Variants in MUC4 observed in about 807,000 individuals in gnomAD.
MUC4 encodes the protein mucin 4, cell surface associated.
In MUC4, 202 loss-of-function variants were observed where a neutral mutation model predicts 257.9. That is an observed-to-expected ratio of 0.78 (90% CI 0.70 to 0.88). MUC4 has a LOEUF of 0.88. MUC4 is among the 40% of genes least tolerant of loss of function. The pLI, the probability that MUC4 is intolerant of heterozygous loss-of-function variation, is 0.00. For synonymous variants in MUC4, 2,351 were observed against 2,757.1 expected (o/e 0.85, Z 4.62); for missense variants, 5,976 against 6,513.7 (o/e 0.92, Z 2.84).
chr3:195,760,181 T>A (rs1225083758), intron 16 of MUC4, among the ~76,000 whole-genome samples: 1 of 152,082 alleles, frequency 6.6e-6, no homozygotes, highest in East Asian at 1.9e-4. Flanking sequence ...TTATAAAATA[T>A]GTTGAGTAAT....
rs1207760269 is a variant in MUC4 at position 195,788,823 on chromosome 3, A to T, written c.2757T>A (p.Ser919=). Residue 919 remains serine, a synonymous_variant, in exon 2 of 25, where the codon TCT becomes TCA. Transcript: ENST00000463781. ...QTQRTRTSRG[S]DTISLASQAT... is the part of the protein sequence containing the mutation. ...CCTGGGACGCCAGGCTGATAGTGTC[A>T]GACCCTCTGCTGGTTCTTGTCCTCT... 1 of 1,613,788 alleles carries T rather than the reference A, an allele frequency of 6.2e-7. No individual in the cohort carries two copies. Among genetic ancestry groups the T allele is most frequent in the Non-Finnish European group, 8.5e-7 (1 of 1,179,858 alleles).
chr3:195,808,675 G>A (rs1736304103), intron 1 of MUC4, among the ~76,000 whole-genome samples: 1 of 152,204 alleles, frequency 6.6e-6, no homozygotes, highest in South Asian at 2.1e-4. Flanking sequence ...GCTGATGCTG[G>A]ACCTCTGAGT....
At chr3:195,770,697 A>C (rs1028802503) in intron 5 of MUC4, 1 of 443,984 alleles carries the variant, frequency 2.3e-6, no homozygotes, top group Non-Finnish European at 4.2e-6. Context: ...CCTAATCTGC[A>C]GCTTCTTGAG....
chr3:195,775,619 GTCATACCTTCCACACCCATACCTTCCACA>G (rs1724361795), intron 3 of MUC4, among the ~76,000 whole-genome samples: 3 of 32,506 alleles, frequency 9.2e-5, no homozygotes, highest in African/African-American at 1.6e-4. Flanking sequence ...ACCTTCCACA[GTCATACCTTCCACACCCATACCTTCCACA>G]GTCATACCTT....
Position 195,765,360 on chromosome 3 carries a change from G to A in MUC4, c.13708C>T (p.Arg4570Trp), listed in dbSNP as rs752454108. 1.3e-5 allele frequency: 21 copies of A among 1,613,562 alleles called. No homozygotes were observed. Among genetic ancestry groups the A allele is most frequent in the East Asian group, 2.2e-5 (1 of 44,882 alleles). ...TGGTTCCAGCCCCAGCTGGGCCACC[G>A]AGGCTGGCTCTTCAGCCACTGCAGG... The part of the protein sequence containing the change: ...ECLQWLKSQP[R>W]WPSWGWNQVS... The change falls in exon 9 of 25, where the codon CGG becomes TGG. Residue 4570 changes from arginine (R) to tryptophan (W), a missense_variant. By Grantham distance (101) the Arg-to-Trp change is moderately radical. Coordinates refer to ENST00000463781, the MANE Select transcript of MUC4 (RefSeq NM_018406.7).
intron 9 of MUC4, 35 bp from the exon 10 acceptor site, chr3:195,765,157 G>C (rs540545680): frequency 1.3e-6 from 2 of 1,591,742 alleles, no homozygotes; most frequent in South Asian, 1.1e-5. Context: ...GGCCCAGGCT[G>C]GGGCTGCCAG....
Position 195,778,335 on chromosome 3 carries a change from G to A in MUC4, c.12911C>T (p.Thr4304Ile). 3 of 1,612,522 alleles carry A rather than the reference G, an allele frequency of 1.9e-6. No individual in the cohort carries two copies. Among genetic ancestry groups the A allele is most frequent in the Non-Finnish European group, 2.5e-6 (3 of 1,179,760 alleles). Residue 4304 changes from threonine to isoleucine, a missense_variant, in exon 3 of 25, where the codon ACA (threonine) becomes ATA (isoleucine). By Grantham distance (89) the Thr-to-Ile change is moderately conservative (BLOSUM62 -1). Transcript: ENST00000463781. ...AGGCAGGATGGGGATGGGGGCAGCTGTGGAGCGGGTGTGCATGGCAGTGCT... is the reference window on the plus strand; with the variant it reads ...AGGCAGGATGGGGATGGGGGCAGCTATGGAGCGGGTGTGCATGGCAGTGCT... The part of the protein sequence containing the change: ...IPSTAMHTRS[T>I]AAPIPILPER...
At chr3:195,748,843 C>T (rs1412750233) in intron 24 of MUC4, 59 bp downstream of exon 24, 2 of 1,486,100 alleles carry the variant, frequency 1.3e-6, no homozygotes, top group African/African-American at 2.9e-5. Flanking sequence ...CTTGCAGTGT[C>T]TTGCCCAGCT....
At chr3:195,806,225 G>A (rs1419694502) in intron 1 of MUC4, among the ~76,000 whole-genome samples, 1 of 152,340 alleles carries the variant, frequency 6.6e-6, no homozygotes, top group East Asian at 1.9e-4. Context: ...AAGGGGCCAA[G>A]CTCTTTCCTG....
At position 195,790,541 on chromosome 3, in the gene MUC4, C is replaced by T. The variant is rs1375128887; in HGVS notation, c.1039G>A (p.Val347Ile). The change falls in exon 2 of 25, where the codon GTT (valine) becomes ATT (isoleucine). Residue 347 changes from valine to isoleucine, a missense_variant. This residue lies in a region of MUC4 where 1,583 missense variants were observed against 1,257.4 expected (regional missense o/e 1.26). Coordinates refer to ENST00000463781, the MANE Select transcript of MUC4 (RefSeq NM_018406.7). Reference sequence around the variant, plus strand: ...GAGGATAAAACAGTTGATGTTGTAACCGGTGTGAGGGTGTTGAGGGTGTTG... The same window carrying T: ...GAGGATAAAACAGTTGATGTTGTAATCGGTGTGAGGGTGTTGAGGGTGTTG... ...QINTLNTLTP[V>I]TTSTVLSSPS... 1.2e-6 allele frequency: 2 copies of T among 1,613,788 alleles called. No individual in the cohort carries two copies. Among genetic ancestry groups the T allele is most frequent in the Non-Finnish European group, 1.7e-6 (2 of 1,179,876 alleles).
rs868721043 is a variant in MUC4 at position 195,779,784 on chromosome 3, T to A, written c.11796A>T (p.Gly3932=). 14,509 of 837,826 alleles carry A rather than the reference T, an allele frequency of 0.017. 4,398 individuals carry two copies. Among genetic ancestry groups the A allele is most frequent in the East Asian group, 0.12 (1,456 of 12,222 alleles). The allele number at this position is 837,826 out of a possible 1,614,324, so 51.9% of individuals were successfully genotyped here. A position where few individuals can be genotyped will look rare whatever the true frequency, so the allele number is the denominator to read the frequency against. ...PVTDVSSAST[G]HATPLPVTST... is the part of the protein sequence containing the mutation. ...TGGTGACAGGAAGAGGGGTGGCATG[T>A]CCTGTGGATGCCGAGGAAACGTCGG... Residue 3932 remains glycine, a synonymous_variant, in exon 2 of 25, where the codon GGA becomes GGT. Coordinates refer to ENST00000463781, the MANE Select transcript of MUC4 (RefSeq NM_018406.7).
At chr3:195,768,920 G>C in intron 7 of MUC4, 102 bp downstream of exon 7, 1 of 1,441,632 alleles carries the variant, frequency 6.9e-7, no homozygotes. Context: ...CCAGCCAGGA[G>C]GGTTCCCGCC....
intron 7 of MUC4, among the ~76,000 whole-genome samples, chr3:195,767,600 TCATC>T (rs1721215921): frequency 2.2e-5 from 1 of 45,344 alleles, no homozygotes. Flanking sequence ...ACCACCACCA[TCATC>T]ACCATTGCCA....
In MUC4 at chr3:195,763,628, C is replaced by G; in HGVS notation, c.14058G>C (p.Gly4686=). 1 of 1,536,918 alleles carries G rather than the reference C, an allele frequency of 6.5e-7. No homozygotes were observed. The highest frequency in any genetic ancestry group is 8.8e-7 in the Non-Finnish European group (1 of 1,134,852). Residue 4686 remains glycine, a synonymous_variant, in exon 12 of 25, where the codon GGG becomes GGC. Coordinates refer to ENST00000463781, the MANE Select transcript of MUC4 (RefSeq NM_018406.7). ...YRPPQPAWMF[G]DPHITTLDGV... is the part of the protein sequence containing the mutation. Reference sequence around the variant, plus strand: ...CATCCAAGGTGGTGATGTGGGGGTCCCCGAACATCCAGGCTGGAAGGAAAA... The same window carrying G: ...CATCCAAGGTGGTGATGTGGGGGTCGCCGAACATCCAGGCTGGAAGGAAAA...
chr3:195,771,501 T>C, intron 5 of MUC4, 151 bp downstream of exon 5: 2 of 925,770 alleles, frequency 2.2e-6, no homozygotes, highest in Non-Finnish European at 3.2e-6. Flanking sequence ...TTAATGTCCC[T>C]TGACTGCTTC....
Position 195,774,110 on chromosome 3 carries a change from G to C in MUC4, c.13077+62C>G, listed in dbSNP as rs1052091663. The C allele has an allele frequency of 4.0e-6, 6 of 1,510,562 alleles. No individual in the cohort carries two copies. The East Asian group carries it at 1.3e-4, about 32-fold the overall frequency. The allele number at this position is 1,510,562 out of a possible 1,614,324, so 93.6% of individuals were successfully genotyped here. A position where few individuals can be genotyped will look rare whatever the true frequency, so the allele number is the denominator to read the frequency against. On this transcript the variant is annotated intron_variant, in intron 4 of 24. Coordinates refer to ENST00000463781, the MANE Select transcript of MUC4 (RefSeq NM_018406.7). Reference sequence around the variant, plus strand: ...TCCCGCTTCCTCTGGGTTCCGTCTCGAAGCAGGAGAGAGAAGTGGGCCCTG... The same window carrying C: ...TCCCGCTTCCTCTGGGTTCCGTCTCCAAGCAGGAGAGAGAAGTGGGCCCTG...
At chr3:195,751,719 G>C (rs745570875) in intron 21 of MUC4, 16 of 247,046 alleles carry the variant, frequency 6.5e-5, no homozygotes, top group Middle Eastern at 1.4e-3. Flanking sequence ...AGATTTTACC[G>C]TGTGGAGTGT....
Position 195,788,728 on chromosome 3 carries a change from TG to T in MUC4, c.2851del (p.Gln951LysfsTer285). On this transcript the variant is annotated frameshift_variant, in exon 2 of 25. Coordinates refer to ENST00000463781, the MANE Select transcript of MUC4 (RefSeq NM_018406.7). LOFTEE classifies it high-confidence loss of function. ...SITSTGLTSP[Q>X]TETHTLSPSG... ...AGGTGACAGAGTGTGGGTCTCGGTT[TG>T]TGGAGATGTAAGCCCAGTGGATGTG... The T allele has an allele frequency of 6.2e-7, 1 of 1,608,854 alleles. No individual in the cohort carries two copies. The highest frequency in any genetic ancestry group is 8.5e-7 in the Non-Finnish European group (1 of 1,178,598).
At chr3:195,762,993 G>T in intron 12 of MUC4, 48 bp from the exon 13 acceptor site, 3 of 1,425,806 alleles carry the variant, frequency 2.1e-6, no homozygotes, top group Non-Finnish European at 1.9e-6. Flanking sequence ...AGGTGGAGCC[G>T]ACGCCCAGGA....
Sources: gnomAD v4.1 joint callset for allele counts (sites outside exome capture counted in the v4.1 genomes callset) on GRCh38, gnomAD v4.1.1 for gene constraint, gnomAD v4.1.1 regional missense constraint, MANE v1.5 for transcripts, NCBI Gene and HGNC (gene_info 2026-07-23, HGNC 2026-07-21) for gene names.